SH3RF3: variants seen among roughly 807,000 people sequenced by gnomAD.
SH3RF3 encodes E3 ubiquitin-protein ligase SH3RF3.
In SH3RF3, 29 loss-of-function variants were observed where a neutral mutation model predicts 66.3. The ratio of observed to expected loss-of-function variants is 0.44; its 90% CI spans 0.33 to 0.60. The LOEUF (loss-of-function observed/expected upper bound fraction) is 0.60, where lower values mean the gene tolerates loss of function less well. SH3RF3 is among the 20% of genes least tolerant of loss of function. SH3RF3 has a pLI of 0.04. For missense variants in SH3RF3, 1,194 were observed against 1,190.9 expected, an observed-to-expected ratio of 1.00 and a Z score of -0.04; for synonymous variants, 583 against 532.0, an observed-to-expected ratio of 1.10 and a Z score of -1.32.
intron 8 of SH3RF3, among the ~76,000 whole-genome samples, chr2:109,462,981 G>C (rs1468863344): frequency 6.6e-6 from 1 of 152,196 alleles, no homozygotes; most frequent in Non-Finnish European, 1.5e-5. Context: ...ACCCTGTTAA[G>C]GTAGATCCCT....
intron 1 of SH3RF3, among the ~76,000 whole-genome samples, chr2:109,193,537 A>G (rs946344457): frequency 8.5e-5 from 13 of 152,124 alleles, no homozygotes; most frequent in African/African-American, 3.1e-4. Context: ...GGCTTCTTTC[A>G]TTCCCCATGA....
At position 109,501,951 on chromosome 2, in the gene SH3RF3, G is replaced by A. The variant is rs1679400158; in HGVS notation, c.*280G>A. 7.7e-6 allele frequency: 3 copies of A among 388,052 alleles called. No individual in the cohort carries two copies. Among genetic ancestry groups the A allele is most frequent in the Admixed American group, 7.4e-5 (2 of 27,056 alleles). 24.0% of individuals were successfully genotyped at this position (388,052 alleles called of 1,614,324 possible). A position where few individuals can be genotyped will look rare whatever the true frequency, so the allele number is the denominator to read the frequency against. On this transcript the variant is annotated 3_prime_UTR_variant, in exon 10 of 10. Coordinates refer to ENST00000309415, the MANE Select transcript of SH3RF3 (RefSeq NM_001099289.3). ...ACCTTGAGGAAGAGAGGCAGGTGCC[G>A]GCGCAGGCAGGCCTGTGGCTGTGGT...
intron 5 of SH3RF3, among the ~76,000 whole-genome samples, chr2:109,431,392 G>A (rs1002937137): frequency 1.3e-5 from 2 of 152,090 alleles, no homozygotes; most frequent in South Asian, 2.1e-4. Flanking sequence ...CTCTCCCTCC[G>A]TTCAAAACCA....
In SH3RF3 at chr2:109,234,152, C is replaced by T. The variant is rs190062200; in HGVS notation, c.573+104039C>T. On this transcript the variant is annotated intron_variant, in intron 1 of 9. Transcript: ENST00000309415. ...AATGCCAGATTGTTTTTCAAAATAGCTATACCATGAAGTTAATAGTATTTT... is the reference window on the plus strand; with the variant it reads ...AATGCCAGATTGTTTTTCAAAATAGTTATACCATGAAGTTAATAGTATTTT... Among the ~76,000 whole-genome samples, 8 of 152,278 alleles carry T rather than the reference C, an allele frequency of 5.3e-5. No homozygotes were observed. The East Asian group carries it at 1.3e-3, about 26-fold the overall frequency.
intron 1 of SH3RF3, among the ~76,000 whole-genome samples, chr2:109,334,571 G>T (rs1185711873): frequency 3.3e-5 from 5 of 152,114 alleles, no homozygotes; most frequent in African/African-American, 1.2e-4. Context: ...CTCCGGGGAT[G>T]CCAGGGATGG....
intron 9 of SH3RF3, among the ~76,000 whole-genome samples, chr2:109,498,392 C>T (rs1046745748): frequency 1.3e-5 from 2 of 152,186 alleles, no homozygotes; most frequent in African/African-American, 4.8e-5. Flanking sequence ...CTGGTGCAAG[C>T]TGGGCCTGTG....
At chr2:109,349,950 GTACTAGA>G (rs1341907914) in intron 2 of SH3RF3, among the ~76,000 whole-genome samples, 2 of 152,238 alleles carry the variant, frequency 1.3e-5, no homozygotes, top group African/African-American at 4.8e-5. Flanking sequence ...TCTGTGTCGG[GTACTAGA>G]CCTGCTGCTC....
In SH3RF3 at chr2:109,347,429, C is replaced by T. The variant is rs527628113; in HGVS notation, c.574-245C>T. On this transcript the variant is annotated intron_variant, in intron 1 of 9. Coordinates refer to ENST00000309415, the MANE Select transcript of SH3RF3 (RefSeq NM_001099289.3). ...GAATGAGGTTGTCTGTGTGGAAGGC[C>T]TCAGACAGTGTCCTTTTTAGGAGGA... Among the ~76,000 whole-genome samples, 6 of 152,122 alleles carry T rather than the reference C, an allele frequency of 3.9e-5. No individual in the cohort carries two copies. The South Asian group carries it at 1.3e-3, about 32-fold the overall frequency.
chr2:109,451,043 C>T (rs927043463), intron 8 of SH3RF3, among the ~76,000 whole-genome samples: 2 of 152,218 alleles, frequency 1.3e-5, no homozygotes, highest in Non-Finnish European at 2.9e-5. Context: ...CAACATGAGC[C>T]GGGAACGCTG....
intron 4 of SH3RF3, among the ~76,000 whole-genome samples, chr2:109,412,826 G>A (rs943304498): frequency 1.3e-5 from 2 of 152,236 alleles, no homozygotes; most frequent in Admixed American, 6.5e-5. Flanking sequence ...GGTTTGGTAT[G>A]TAAGTTTCCT....
intron 9 of SH3RF3, among the ~76,000 whole-genome samples, chr2:109,497,561 C>T (rs563173671): frequency 1.2e-4 from 18 of 152,292 alleles, no homozygotes; most frequent in South Asian, 2.1e-4. Context: ...TGATTTATGA[C>T]GCACAGTTGT....
At chr2:109,159,276 G>C (rs1470452343) in intron 1 of SH3RF3, among the ~76,000 whole-genome samples, 2 of 152,200 alleles carry the variant, frequency 1.3e-5, no homozygotes, top group Non-Finnish European at 2.9e-5. Context: ...TCCCGGCGCA[G>C]CTGCCTCTCT....
chr2:109,363,007 A>G (rs1024698104), intron 2 of SH3RF3, among the ~76,000 whole-genome samples: 15 of 152,150 alleles, frequency 9.9e-5, no homozygotes, highest in African/African-American at 3.4e-4. Flanking sequence ...GTTTTATTTT[A>G]TCAACTTAAA....
chr2:109,285,440 G>C (rs1299524559), intron 1 of SH3RF3, among the ~76,000 whole-genome samples: 1 of 152,236 alleles, frequency 6.6e-6, no homozygotes. Flanking sequence ...CCAGTGCAGT[G>C]TGCCTGCTGT....
At chr2:109,496,390 G>C (rs1288134207) in intron 9 of SH3RF3, among the ~76,000 whole-genome samples, 1 of 152,208 alleles carries the variant, frequency 6.6e-6, no homozygotes, top group Non-Finnish European at 1.5e-5. Context: ...CTGCAGTGCT[G>C]ATTGGTGCAT....
chr2:109,221,626 T>C (rs1368726178), intron 1 of SH3RF3, among the ~76,000 whole-genome samples: 1 of 151,434 alleles, frequency 6.6e-6, no homozygotes, highest in Non-Finnish European at 1.5e-5. Flanking sequence ...TGATGGTTAG[T>C]AATGTTGAGC....
Position 109,432,628 on chromosome 2 carries a change from G to C in SH3RF3, c.1531G>C (p.Val511Leu), listed in dbSNP as rs763234558. The change falls in exon 6 of 10, where the codon GTC becomes CTC. Residue 511 changes from valine (V) to leucine (L), a missense_variant. Transcript: ENST00000309415. ...CAAGGGGGCGTCTCTGAGGACCGGG[G>C]TCTCTGGGGTGTTCCCCGGAAACTA... ...WFKGASLRTG[V>L]SGVFPGNYVT... The C allele has an allele frequency of 5.0e-6, 8 of 1,613,094 alleles. No homozygotes were observed. In the Admixed American group the frequency reaches 1.3e-4, roughly 27 times the overall value.
chr2:109,418,941 C>G (rs1178646993), intron 4 of SH3RF3, among the ~76,000 whole-genome samples: 2 of 152,164 alleles, frequency 1.3e-5, no homozygotes, highest in Non-Finnish European at 2.9e-5. Context: ...CTCGGCCCCC[C>G]CACTGTCCCC....
intron 1 of SH3RF3, among the ~76,000 whole-genome samples, chr2:109,190,300 A>T (rs1440033495): frequency 6.6e-6 from 1 of 151,986 alleles, no homozygotes; most frequent in Non-Finnish European, 1.5e-5. Flanking sequence ...CAACCTCCTG[A>T]GTAGCTGGGA....
Sources: allele counts gnomAD v4.1 joint callset (sites outside exome capture counted in the v4.1 genomes callset), GRCh38; gene constraint gnomAD v4.1.1; transcripts MANE v1.5; gene names NCBI Gene and HGNC (gene_info 2026-07-23, HGNC 2026-07-21).